STK33: variants seen among roughly 807,000 people sequenced by gnomAD.
The protein encoded by STK33 is serine/threonine-protein kinase 33.
A neutral mutation model predicts 58.0 loss-of-function variants in STK33; 52 were observed. The ratio of observed to expected loss-of-function variants is 0.90; its 90% confidence interval spans 0.72 to 1.13. STK33 has a LOEUF of 1.13. STK33 is among the 50% of genes most tolerant of loss of function. The pLI, the probability that STK33 is intolerant of heterozygous loss-of-function variation, is 0.00. For missense variants in STK33, 630 were observed against 604.2 expected (o/e 1.04, Z -0.45); for synonymous variants, 215 against 200.1 (o/e 1.07, Z -0.63).
At chr11:8,398,981 C>A (rs1342182684) in intron 15 of STK33, among the ~76,000 whole-genome samples, 3 of 152,122 alleles carry the variant, frequency 2.0e-5, no homozygotes, top group African/African-American at 7.2e-5. Context: ...TCCTTAGAGA[C>A]CTACAAAGAG....
intron 11 of STK33, among the ~76,000 whole-genome samples, chr11:8,452,111 G>A (rs902479326): frequency 2.0e-5 from 3 of 152,098 alleles, no homozygotes; most frequent in African/African-American, 7.2e-5. Context: ...GCTGAGGCAC[G>A]AGAATTGCTT....
At chr11:8,449,204 C>T (rs545829282) in intron 11 of STK33, among the ~76,000 whole-genome samples, 4 of 151,688 alleles carry the variant, frequency 2.6e-5, no homozygotes, top group Middle Eastern at 3.4e-3. Flanking sequence ...ACTAGTTCAA[C>T]CATTGTGGAA....
At chr11:8,527,044 T>C (rs572313253) in intron 1 of STK33, among the ~76,000 whole-genome samples, 3 of 150,670 alleles carry the variant, frequency 2.0e-5, no homozygotes, top group African/African-American at 7.3e-5. Context: ...TAATCTCGGC[T>C]CACTGCAAAC....
At chr11:8,491,101 T>C (rs1421433032) in intron 1 of STK33, among the ~76,000 whole-genome samples, 2 of 152,186 alleles carry the variant, frequency 1.3e-5, no homozygotes, top group Admixed American at 6.5e-5. Context: ...TTTTGACAAG[T>C]TGACAGAAGT....
At chr11:8,553,205 A>G (rs1455340789) in intron 1 of STK33, among the ~76,000 whole-genome samples, 5 of 92,438 alleles carry the variant, frequency 5.4e-5, no homozygotes, top group Non-Finnish European at 2.0e-5. Flanking sequence ...TATGGTGTAT[A>G]TATATATATA....
At chr11:8,489,272 G>GAAAAAAAAAAAAAAAAAGAA (rs60919146) in intron 1 of STK33, among the ~76,000 whole-genome samples, 1 of 126,592 alleles carries the variant, frequency 7.9e-6, no homozygotes, top group Non-Finnish European at 1.6e-5. Context: ...AAAAAAAAAA[G>GAAAAAAAAAAAAAAAAAGAA]AAAAAAAAAA....
intron 5 of STK33, 144 bp downstream of exon 5, chr11:8,474,537 C>A: frequency 5.1e-6 from 3 of 585,466 alleles, no homozygotes; most frequent in Non-Finnish European, 2.9e-6. Context: ...AATTTACTCA[C>A]CTCTTCTGTG....
chr11:8,455,546 C>T (rs1025211013), intron 9 of STK33, among the ~76,000 whole-genome samples: 3 of 152,250 alleles, frequency 2.0e-5, no homozygotes, highest in South Asian at 2.1e-4. Context: ...CAGTGGCTTG[C>T]GCCTATAATC....
At position 8,455,810 on chromosome 11, in the gene STK33, C is replaced by CAAA. The variant is rs1156835375; in HGVS notation, c.698-981_698-979dup. 7.4e-4 allele frequency among the ~76,000 whole-genome samples: 35 copies of CAAA among 47,096 alleles called. 3 individuals are homozygous for CAAA. Among genetic ancestry groups the CAAA allele is most frequent in the African/African-American group, 1.5e-3 (18 of 12,400 alleles). The allele number at this position is 47,096 out of a possible 152,430, so 30.9% of individuals were successfully genotyped here. A position where few individuals can be genotyped will look rare whatever the true frequency, so the allele number is the denominator to read the frequency against. On this transcript the variant is annotated intron_variant, in intron 9 of 15. Coordinates refer to ENST00000687296, the MANE Select transcript of STK33 (RefSeq NM_001352389.2). The stretch of plus-strand genomic sequence containing the variant: ...TGGGTAACAGAGAGAGACTCTGTCT[C>CAAA]AAAAAAAAAAAAAAAAAAAAAAAAA...
intron 14 of STK33, among the ~76,000 whole-genome samples, chr11:8,427,303 T>TG (rs1268160179): frequency 4.6e-5 from 7 of 152,234 alleles, no homozygotes; most frequent in African/African-American, 1.7e-4. Context: ...CAGTTATTCT[T>TG]GCATCCAATG....
chr11:8,524,406 A>G (rs1953848024), intron 1 of STK33, among the ~76,000 whole-genome samples: 1 of 152,218 alleles, frequency 6.6e-6, no homozygotes, highest in Non-Finnish European at 1.5e-5. Context: ...TTATATAAGG[A>G]ACTCTAACAA....
chr11:8,344,272 C>T, the STK33 span, among the ~76,000 whole-genome samples: 1 of 151,710 alleles, frequency 6.6e-6, no homozygotes, highest in African/African-American at 2.4e-5. Context: ...GTTCTAGCTA[C>T]TCAGGAGGCT....
intron 1 of STK33, among the ~76,000 whole-genome samples, chr11:8,565,219 T>C (rs924628402): frequency 6.6e-6 from 1 of 152,148 alleles, no homozygotes; most frequent in African/African-American, 2.4e-5. Flanking sequence ...TAATCAGCGC[T>C]ACATGGAGGA....
the STK33 span, among the ~76,000 whole-genome samples, chr11:8,377,296 T>C: frequency 6.6e-6 from 1 of 151,924 alleles, no homozygotes; most frequent in Non-Finnish European, 1.5e-5. Context: ...CTAAAATAAA[T>C]CCCCCCTAAA....
rs190996073 is a variant in STK33, at chr11:8,446,340, T to C, written c.872-5587A>G. 1.2e-3 allele frequency among the ~76,000 whole-genome samples: 186 copies of C among 152,290 alleles called. 1 individual carries two copies. Among genetic ancestry groups the C allele is most frequent in the African/African-American group, 4.3e-3 (180 of 41,564 alleles). ...TTCAAAAAACCAGCTCCTGGATTCATTGATTGTTTGAAGGGTTTTTCGTGT... is the reference window on the plus strand; with the variant it reads ...TTCAAAAAACCAGCTCCTGGATTCACTGATTGTTTGAAGGGTTTTTCGTGT... On this transcript the variant is annotated intron_variant, in intron 11 of 15. Transcript: ENST00000687296.
chr11:8,510,132 G>C (rs540051266), intron 1 of STK33, among the ~76,000 whole-genome samples: 1 of 152,260 alleles, frequency 6.6e-6, no homozygotes, highest in African/African-American at 2.4e-5. Context: ...CAGTGTAAAA[G>C]TGTTCCCTTT....
intron 1 of STK33, among the ~76,000 whole-genome samples, chr11:8,481,178 G>A (rs1949763387): frequency 6.6e-6 from 1 of 152,126 alleles, no homozygotes; most frequent in African/African-American, 2.4e-5. Flanking sequence ...ACTTTCAAGG[G>A]TTGAAAGCAC....
At chr11:8,385,124 C>G in the STK33 span, among the ~76,000 whole-genome samples, 11 of 152,218 alleles carry the variant, frequency 7.2e-5, no homozygotes, top group Non-Finnish European at 1.6e-4. Context: ...ATCACTGAAT[C>G]CTATCAATTT....
the STK33 span, among the ~76,000 whole-genome samples, chr11:8,334,846 C>T: frequency 2.0e-5 from 3 of 152,212 alleles, no homozygotes; most frequent in Non-Finnish European, 4.4e-5. Context: ...AACCAGGTTC[C>T]ATCTATGCAG....
Sources: gnomAD v4.1 joint callset for allele counts (sites outside exome capture counted in the v4.1 genomes callset) on GRCh38, gnomAD v4.1.1 for gene constraint, MANE v1.5 for transcripts, NCBI Gene and HGNC (gene_info 2026-07-23, HGNC 2026-07-21) for gene names.